The following NAALADL1 variants were observed in gnomAD, a reference collection of about 807,000 sequenced individuals.
NAALADL1 encodes N-acetylated alpha-linked acidic dipeptidase like 1.
In NAALADL1, 77 loss-of-function variants were observed where a neutral mutation model predicts 82.8. The observed-to-expected ratio is 0.93, with a 90% CI of 0.77 to 1.12. The LOEUF (loss-of-function observed/expected upper bound fraction) is 1.12. NAALADL1 is among the 50% of genes most tolerant of loss of function. The pLI, the probability that NAALADL1 is intolerant of heterozygous loss-of-function variation, is 0.00. For missense variants in NAALADL1, 956 were observed against 964.0 expected (o/e 0.99, Z 0.11); for synonymous variants, 358 against 399.2 (o/e 0.90, Z 1.23).
chr11:65,046,232 C>T lies in NAALADL1; in HGVS notation c.1812G>A (p.Gln604=). 6.2e-7 allele frequency: 1 copy of T among 1,614,112 alleles called. No individual in the cohort carries two copies. The highest frequency in any genetic ancestry group is 8.5e-7 in the Non-Finnish European group (1 of 1,180,030). ...ETLRSFLQAA[Q]QDLGALLEQH... ...GCTCCAGCAGGGCCCCAAGATCTTG[C>T]TGGGCTGCCTGCAGGAAGCTGCGGA... is the stretch of plus-strand genomic sequence containing the variant. Residue 604 remains glutamine (Q), a synonymous_variant, in exon 15 of 18, where the codon CAG becomes CAA. Coordinates refer to ENST00000358658, the MANE Select transcript of NAALADL1 (RefSeq NM_005468.3).
chr11:65,051,302 CCTTT>C (rs751772990), intron 8 of NAALADL1, among the ~76,000 whole-genome samples: 9 of 96,386 alleles, frequency 9.3e-5, no homozygotes, highest in Admixed American at 2.7e-4. Context: ...GTCTCTCTCT[CCTTT>C]CTTTCTTTCT....
At chr11:65,059,568 C>A (rs1243746428), upstream of NAALADL1, among the ~76,000 whole-genome samples, 2 of 152,166 alleles carry the variant, frequency 1.3e-5, no homozygotes, top group Non-Finnish European at 2.9e-5. Flanking sequence ...CCCATGCCTC[C>A]CTGGCGAGGT....
At chr11:65,049,898 A>T (rs976705739) in intron 8 of NAALADL1, among the ~76,000 whole-genome samples, 3 of 150,326 alleles carry the variant, frequency 2.0e-5, no homozygotes, top group Non-Finnish European at 4.4e-5. Flanking sequence ...TTTTTTTGAG[A>T]TGGAGTCTCA....
At chr11:65,045,571 G>A (rs752860866) in intron 17 of NAALADL1, 114 bp from the exon 18 acceptor site, 27 of 1,162,276 alleles carry the variant, frequency 2.3e-5, no homozygotes, top group Non-Finnish European at 2.9e-5. Flanking sequence ...AAGCACCCCC[G>A]TCCACTTGTC....
chr11:65,047,808 C>G, intron 11 of NAALADL1, 70 bp from the exon 12 acceptor site: 2 of 1,510,714 alleles, frequency 1.3e-6, no homozygotes, highest in South Asian at 2.4e-5. Context: ...GGGTTCTCCA[C>G]CGGTCTCCTG....
In NAALADL1 at chr11:65,054,672, C is replaced by A. The variant is rs765827926; in HGVS notation, c.670G>T (p.Asp224Tyr). The A allele has an allele frequency of 6.2e-7, 1 of 1,614,108 alleles. No individual in the cohort carries two copies. Among genetic ancestry groups the A allele is most frequent in the Non-Finnish European group, 8.5e-7 (1 of 1,180,026 alleles). The change falls in exon 5 of 18, where the codon GAT (aspartate) becomes TAT (tyrosine). Residue 224 changes from aspartate to tyrosine, a missense_variant. Asp to Tyr is a radical substitution (Grantham distance 160). Transcript: ENST00000358658. This position sits in a 1 kb window ranked among gnomAD's most constrained non-coding sequence, Gnocchi z 4.3. ...GTTTCGTCGGGTGAGCTCAGCCCAT[C>A]GTTGATGTCGGCAGGGTCTGTGTAC... is the stretch of plus-strand genomic sequence containing the variant. ...LVYTDPADIN[D>Y]GLSSPDETFP...
chr11:65,048,136 C>T lies in NAALADL1; in HGVS notation c.1348+16G>A. On this transcript the variant is annotated intron_variant, in intron 10 of 17. Transcript: ENST00000358658. ...CCCGCCGTCTCCTCCCCTTTCCTGC[C>T]CCACCACCCACATACCAAACACCGA... The T allele has an allele frequency of 6.2e-7, 1 of 1,613,960 alleles. No individual in the cohort carries two copies. Among genetic ancestry groups the T allele is most frequent in the Non-Finnish European group, 8.5e-7 (1 of 1,179,980 alleles).
chr11:65,047,878 C>A, intron 11 of NAALADL1, 103 bp downstream of exon 11: 5 of 1,467,050 alleles, frequency 3.4e-6, no homozygotes, highest in East Asian at 2.5e-5. Flanking sequence ...CCCAGCAGAT[C>A]TAGAGAGTAC....
upstream of NAALADL1, among the ~76,000 whole-genome samples, chr11:65,059,129 C>T (rs1356981423): frequency 1.3e-5 from 2 of 152,162 alleles, no homozygotes; most frequent in African/African-American, 4.8e-5. Context: ...TCTCCTGCAT[C>T]GGCCTCCCGA....
At chr11:65,057,311 C>T (rs2137034384) in intron 4 of NAALADL1, 60 bp downstream of exon 4, 1 of 1,531,912 alleles carries the variant, frequency 6.5e-7, no homozygotes, top group African/African-American at 1.4e-5. Context: ...TCACTTCCTC[C>T]AGTCCACTGC....
chr11:65,048,385 C>A lies in NAALADL1; in HGVS notation c.1199G>T (p.Gly400Val). 6.2e-7 allele frequency: 1 copy of A among 1,614,116 alleles called. No homozygotes were observed. Among genetic ancestry groups the A allele is most frequent in the Non-Finnish European group, 8.5e-7 (1 of 1,180,014 alleles). ...SRVLGTLLKK[G>V]TWRPRRSIVF... is the part of the protein sequence containing the mutation. ...GATTGATCTGCGAGGACGCCAGGTG[C>A]CTGGGAATGGGGGATAGAGGGTTGG... The change falls in exon 9 of 18, where the codon GGC becomes GTC. Residue 400 changes from glycine (G) to valine (V), a missense_variant and splice_region_variant. Physicochemically the swap from Gly to Val is moderately radical, Grantham distance 109 (BLOSUM62 -3). Coordinates refer to ENST00000358658, the MANE Select transcript of NAALADL1 (RefSeq NM_005468.3).
At position 65,054,867 on chromosome 11, in the gene NAALADL1, C is replaced by G. The variant is rs544691572; in HGVS notation, c.604-129G>C. 1.4e-4 allele frequency: 177 copies of G among 1,259,834 alleles called. No individual in the cohort carries two copies. In the Middle Eastern group the frequency reaches 2.2e-3, roughly 15 times the overall value. The allele number at this position is 1,259,834 out of a possible 1,614,324, so 78.0% of individuals were successfully genotyped here. A position where few individuals can be genotyped will look rare whatever the true frequency, so the allele number is the denominator to read the frequency against. On this transcript the variant is annotated intron_variant, in intron 4 of 17. Transcript: ENST00000358658. The surrounding 1 kb of genome is among the most constrained non-coding windows in gnomAD (Gnocchi z 4.3). ...TTCCATGGGCAAGATGACGTTTGCA[C>G]AAGTCATTTATGGCAGTGCCTCTTG...
Position 65,045,006 on chromosome 11 carries a change from AC to A in NAALADL1, c.*264del. 1.6e-6 allele frequency: 1 copy of A among 606,934 alleles called. No homozygotes were observed. The highest frequency in any genetic ancestry group is 2.9e-6 in the Non-Finnish European group (1 of 349,162). The allele number at this position is 606,934 out of a possible 1,614,324, so 37.6% of individuals were successfully genotyped here. ...TGAGGTTGGCACGCATCCCATCTCC[AC>A]CCACCTGCCACCAAGGGCAGTTGGT... On this transcript the variant is annotated 3_prime_UTR_variant, in exon 18 of 18. Transcript: ENST00000358658.
Position 65,046,204 on chromosome 11 carries a change from G to T in NAALADL1, c.1840C>A (p.His614Asn), listed in dbSNP as rs1425289698. ...CTGTGCATACCCAGGCTGATGCTGT[G>T]CTGCTCCAGCAGGGCCCCAAGATCT... ...QQDLGALLEQHSISLGPLVTA... is the reference protein window; with the variant it reads ...QQDLGALLEQNSISLGPLVTA... The change falls in exon 15 of 18, where the codon CAC becomes AAC. Residue 614 changes from histidine to asparagine, a missense_variant. Physicochemically the swap from His to Asn is moderately conservative, Grantham distance 68. Transcript: ENST00000358658. The T allele has an allele frequency of 3.1e-6, 5 of 1,614,104 alleles. No homozygotes were observed. In the South Asian group the frequency reaches 5.5e-5, roughly 18 times the overall value.
In NAALADL1 at chr11:65,053,126, A is replaced by G. The variant is rs1263110480; in HGVS notation, c.1198+92T>C. The G allele has an allele frequency of 7.0e-7, 1 of 1,428,642 alleles. No individual in the cohort carries two copies. Among genetic ancestry groups the G allele is most frequent in the East Asian group, 2.5e-5 (1 of 40,214 alleles). 88.5% of individuals were successfully genotyped at this position (1,428,642 alleles called of 1,614,324 possible). ...CCCCCAGGGCCCTCAGGCATGGCAC[A>G]AGGAGCACTGCAGTGTGAGGGAGAG... On this transcript the variant is annotated intron_variant, in intron 8 of 17. Transcript: ENST00000358658. This position sits in a 1 kb window ranked among gnomAD's most constrained non-coding sequence, Gnocchi z 4.3.
Position 65,048,476 on chromosome 11 carries a change from C to T in NAALADL1, c.1199-91G>A, listed in dbSNP as rs549382064. The T allele has an allele frequency of 1.1e-5, 15 of 1,383,668 alleles. No homozygotes were observed. In the Admixed American group the frequency reaches 1.9e-4, roughly 17 times the overall value. The allele number at this position is 1,383,668 out of a possible 1,614,324, so 85.7% of individuals were successfully genotyped here. Reference sequence around the variant, plus strand: ...GGCTGCTGACGTGAGGAGGGGAGAGCGGGAAAAGGCGGGGCAGCTGGTGAC... The same window carrying T: ...GGCTGCTGACGTGAGGAGGGGAGAGTGGGAAAAGGCGGGGCAGCTGGTGAC... On this transcript the variant is annotated intron_variant, in intron 8 of 17. Transcript: ENST00000358658.
Position 65,048,380 on chromosome 11 carries a change from A to G in NAALADL1, c.1204T>C (p.Trp402Arg), listed in dbSNP as rs1456425546. ...VLGTLLKKGT[W>R]RPRRSIVFAS... ...AACACGATTGATCTGCGAGGACGCC[A>G]GGTGCCTGGGAATGGGGGATAGAGG... Residue 402 changes from tryptophan to arginine, a missense_variant, in exon 9 of 18, where the codon TGG (tryptophan) becomes CGG (arginine). Transcript: ENST00000358658. 1 of 1,614,182 alleles carries G rather than the reference A, an allele frequency of 6.2e-7. No individual in the cohort carries two copies.
chr11:65,048,002 G>C lies in NAALADL1; in HGVS notation c.1395C>G (p.Val465=). Residue 465 remains valine (V), a synonymous_variant, in exon 11 of 18, where the codon GTC becomes GTG. Transcript: ENST00000358658. ...RVQGTPPVQS[V]VFSATKEIRS... The stretch of plus-strand genomic sequence containing the variant: ...CCACCTCTTTGGTTGCAGAGAAGAC[G>C]ACGCTCTGGACAGGGGGCGTCCCCT... 1 of 1,608,132 alleles carries C rather than the reference G, an allele frequency of 6.2e-7. No individual in the cohort carries two copies. The highest frequency in any genetic ancestry group is 8.5e-7 in the Non-Finnish European group (1 of 1,177,106).
Position 65,045,319 on chromosome 11 carries a change from T to C in NAALADL1, c.2175A>G (p.Thr725=), listed in dbSNP as rs35344789. ...GGGTGGCTGCCGCACCCTCCAGGGC[T>C]GTCACCACAATGCTGAGCTGTCTCT... is the stretch of plus-strand genomic sequence containing the variant. ...EVQRQLSIVV[T]ALEGAAATLR... Residue 725 remains threonine (T), a synonymous_variant, in exon 18 of 18, where the codon ACA becomes ACG. Transcript: ENST00000358658. 895 of 1,611,222 alleles carry C rather than the reference T, an allele frequency of 5.6e-4. 3 individuals carry two copies. In the African/African-American group the frequency reaches 0.011, roughly 19 times the overall value.
Sources: gnomAD v4.1 joint callset for allele counts (sites outside exome capture counted in the v4.1 genomes callset) on GRCh38, gnomAD v4.1.1 for gene constraint, Gnocchi (gnomAD v3.1) non-coding constraint, MANE v1.5 for transcripts, NCBI Gene and HGNC (gene_info 2026-07-23, HGNC 2026-07-21) for gene names.